RNF145: variants seen among roughly 807,000 people sequenced by gnomAD.
RNF145 encodes ring finger protein 145.
Under a neutral mutation model 57.3 loss-of-function variants are expected in RNF145, and 12 were observed. The ratio of observed to expected loss-of-function variants is 0.21; its 90% CI spans 0.13 to 0.34. RNF145 has a LOEUF of 0.34. Among genes scored for constraint, RNF145 ranks in the 10% least tolerant of loss-of-function variants. The pLI, the probability that RNF145 is intolerant of heterozygous loss-of-function variation, is 1.00. For missense variants in RNF145, 429 were observed against 799.0 expected, an observed-to-expected ratio of 0.54 and a Z score of 5.58; for synonymous variants, 262 against 288.3, an observed-to-expected ratio of 0.91 and a Z score of 0.92.
chr5:159,195,742 T>A (rs1269403262), intron 2 of RNF145, among the ~76,000 whole-genome samples: 1 of 152,232 alleles, frequency 6.6e-6, no homozygotes, highest in East Asian at 1.9e-4. Context: ...AACAACATAT[T>A]TTGTAACTTC....
chr5:159,206,867 T>A (rs912740433), intron 1 of RNF145, among the ~76,000 whole-genome samples: 1 of 151,954 alleles, frequency 6.6e-6, no homozygotes, highest in African/African-American at 2.4e-5. Flanking sequence ...TGAAAAGAAC[T>A]GGGAAAGTAA....
intron 9 of RNF145, 51 bp downstream of exon 9, chr5:159,162,881 G>A (rs778007331): frequency 1.2e-5 from 17 of 1,476,232 alleles, no homozygotes; most frequent in Non-Finnish European, 1.5e-5. Flanking sequence ...CCTCTGGGAG[G>A]AAAAATAACA....
At chr5:159,193,099 A>G (rs1263143565) in intron 3 of RNF145, among the ~76,000 whole-genome samples, 1 of 152,202 alleles carries the variant, frequency 6.6e-6, no homozygotes, top group East Asian at 1.9e-4. Context: ...GTTTGGCTCT[A>G]TGGAGAGGGA....
At chr5:159,209,777 G>T, upstream of RNF145, 1 of 1,403,154 alleles carries the variant, frequency 7.1e-7, no homozygotes, top group Non-Finnish European at 9.7e-7. Flanking sequence ...CGCGCACTGT[G>T]ACAGGCGCCA....
chr5:159,166,463 A>C (rs575594135), intron 8 of RNF145, among the ~76,000 whole-genome samples: 2 of 152,356 alleles, frequency 1.3e-5, no homozygotes, highest in South Asian at 4.1e-4. Context: ...CCTACTCAAA[A>C]ATATACTAAT....
intron 8 of RNF145, among the ~76,000 whole-genome samples, chr5:159,165,764 A>ATTTACTTT (rs1278635086): frequency 6.8e-6 from 1 of 147,626 alleles, no homozygotes; most frequent in Non-Finnish European, 1.5e-5. Flanking sequence ...ATCTTTTTGG[A>ATTTACTTT]TTTACTTTTT....
chr5:159,160,916 A>G (rs899324884), intron 10 of RNF145, among the ~76,000 whole-genome samples: 1 of 152,144 alleles, frequency 6.6e-6, no homozygotes, highest in Non-Finnish European at 1.5e-5. Context: ...TTGGCACACC[A>G]CTTTTCAGGA....
At chr5:159,175,612 C>T (rs1351027581) in intron 5 of RNF145, among the ~76,000 whole-genome samples, 1 of 152,132 alleles carries the variant, frequency 6.6e-6, no homozygotes, top group African/African-American at 2.4e-5. Flanking sequence ...TGCCCTGCTT[C>T]CCCATGAAGC....
intron 2 of RNF145, among the ~76,000 whole-genome samples, chr5:159,199,190 C>T (rs1264352261): frequency 6.6e-6 from 1 of 152,078 alleles, no homozygotes; most frequent in Non-Finnish European, 1.5e-5. Flanking sequence ...AGAGGAAGAA[C>T]ATCAACTCCA....
intron 8 of RNF145, among the ~76,000 whole-genome samples, chr5:159,165,986 G>C (rs1784382520): frequency 6.6e-6 from 1 of 152,082 alleles, no homozygotes; most frequent in African/African-American, 2.4e-5. Context: ...ATACCTATGA[G>C]GAGATCATGC....
chr5:159,202,185 T>C (rs930567575), intron 2 of RNF145, among the ~76,000 whole-genome samples: 2 of 152,224 alleles, frequency 1.3e-5, no homozygotes, highest in African/African-American at 4.8e-5. Context: ...GCAGCTGTTT[T>C]TATAATAAAT....
chr5:159,183,474 C>T (rs954943108), intron 3 of RNF145, among the ~76,000 whole-genome samples: 6 of 151,926 alleles, frequency 3.9e-5, no homozygotes, highest in Admixed American at 2.6e-4. Context: ...ATTGAGTAAC[C>T]CTGTTTTCAT....
At chr5:159,207,684 G>A in intron 1 of RNF145, 1 of 1,612,900 alleles carries the variant, frequency 6.2e-7, no homozygotes, top group Non-Finnish European at 8.5e-7. Context: ...TCTTACATAA[G>A]CAATGGCACA....
At chr5:159,187,795 T>C (rs971673400) in intron 3 of RNF145, among the ~76,000 whole-genome samples, 3 of 152,184 alleles carry the variant, frequency 2.0e-5, no homozygotes, top group African/African-American at 7.2e-5. Flanking sequence ...ACAGCTTCCG[T>C]AGCAATGCAT....
At chr5:159,162,829 T>C in intron 9 of RNF145, 103 bp downstream of exon 9, 1 of 810,436 alleles carries the variant, frequency 1.2e-6, no homozygotes, top group Non-Finnish European at 1.9e-6. Context: ...ATCACCTGAA[T>C]AGTCCACTTA....
intron 7 of RNF145, 77 bp from the exon 8 acceptor site, chr5:159,169,132 G>T: frequency 1.8e-6 from 2 of 1,136,996 alleles, no homozygotes; most frequent in South Asian, 1.9e-5. Context: ...ATAATCCAAA[G>T]GCTTAGACTC....
Position 159,203,621 on chromosome 5 carries a change from G to GTTTTTTTTTTTTTTTTTTT in RNF145, c.-5_-4insAAAAAAAAAAAAAAAAAAA. The GTTTTTTTTTTTTTTTTTTT allele has an allele frequency of 1.6e-6, 2 of 1,270,000 alleles. No homozygotes were observed. Among genetic ancestry groups the GTTTTTTTTTTTTTTTTTTT allele is most frequent in the Non-Finnish European group, 2.1e-6 (2 of 933,646 alleles). 78.7% of individuals were successfully genotyped at this position (1,270,000 alleles called of 1,614,324 possible). On this transcript the variant is annotated 5_prime_UTR_variant, in exon 2 of 11. Coordinates refer to ENST00000424310, the MANE Select transcript of RNF145 (RefSeq NM_001199383.2). ...CCAGTTTCTCCTTTGCAGCCATGTT[G>GTTTTTTTTTTTTTTTTTTT]TTTTTTTTTTTCTTTTTTTTTTTCT...
intron 3 of RNF145, among the ~76,000 whole-genome samples, chr5:159,185,315 T>C (rs1213885642): frequency 6.6e-6 from 1 of 152,146 alleles, no homozygotes; most frequent in African/African-American, 2.4e-5. Flanking sequence ...AACTACCTAG[T>C]ATGCCACACA....
At position 159,174,110 on chromosome 5, in the gene RNF145, G is replaced by C; in HGVS notation, c.670C>G (p.Gln224Glu). Residue 224 changes from glutamine (Q) to glutamate (E), a missense_variant, in exon 6 of 11, where the codon CAA becomes GAA. Physicochemically the swap from Gln to Glu is conservative, Grantham distance 29. Transcript: ENST00000424310. ...LLALGMSLWN[Q>E]LVVPVLFMVF... is the part of the protein sequence containing the mutation. ...ATGAAAAGAACAGGGACTACCAGTT[G>C]ATTCCACAGGGACATTCCCAAGGCG... The C allele has an allele frequency of 6.2e-7, 1 of 1,613,292 alleles. No individual in the cohort carries two copies. Among genetic ancestry groups the C allele is most frequent in the Non-Finnish European group, 8.5e-7 (1 of 1,179,520 alleles).
Sources: allele counts gnomAD v4.1 joint callset (sites outside exome capture counted in the v4.1 genomes callset), GRCh38; gene constraint gnomAD v4.1.1; transcripts MANE v1.5; gene names NCBI Gene and HGNC (gene_info 2026-07-23, HGNC 2026-07-21).